The following MYCBP2 variants were observed in gnomAD, a reference collection of about 807,000 sequenced individuals.
The protein encoded by MYCBP2 is E3 ubiquitin-protein ligase MYCBP2.
In MYCBP2, 120 loss-of-function variants were observed where a neutral mutation model predicts 525.3. The ratio of observed to expected loss-of-function variants is 0.23; its 90% CI spans 0.20 to 0.27. The LOEUF is 0.27. Among genes scored for constraint, MYCBP2 ranks in the 10% least tolerant of loss-of-function variants. The pLI is 1.00. For synonymous variants in MYCBP2, 1,894 were observed against 1,955.8 expected, an observed-to-expected ratio of 0.97 and a Z score of 0.83; for missense variants, 4,149 against 5,657.1, an observed-to-expected ratio of 0.73 and a Z score of 8.55.
chr13:77,233,325 C>T (rs1223310258), intron 17 of MYCBP2, 62 bp from the exon 18 acceptor site: 2 of 1,224,680 alleles, frequency 1.6e-6, no homozygotes, highest in Non-Finnish European at 2.4e-6. Flanking sequence ...CTATAATGAA[C>T]AAAAAATAAT....
At chr13:77,191,963 T>C in intron 27 of MYCBP2, 150 bp from the exon 28 acceptor site, 3 of 709,800 alleles carry the variant, frequency 4.2e-6, no homozygotes, top group East Asian at 5.5e-5. Context: ...CTAAGAAGTC[T>C]GGACAAGAAT....
At chr13:77,159,564 C>A (rs2057624507) in intron 44 of MYCBP2, among the ~76,000 whole-genome samples, 1 of 152,274 alleles carries the variant, frequency 6.6e-6, no homozygotes, top group Non-Finnish European at 1.5e-5. Context: ...GGGGGAGTGA[C>A]CTGGCGGGAG....
intron 55 of MYCBP2, among the ~76,000 whole-genome samples, chr13:77,119,272 T>C (rs1344957362): frequency 6.6e-6 from 1 of 152,146 alleles, no homozygotes; most frequent in African/African-American, 2.4e-5. Flanking sequence ...ATACATTAAA[T>C]AGTTTAAATG....
chr13:77,323,493 C>T (rs780950327), intron 1 of MYCBP2, among the ~76,000 whole-genome samples: 6 of 152,220 alleles, frequency 3.9e-5, no homozygotes, highest in African/African-American at 9.6e-5. Context: ...AATTTAAATG[C>T]CAACTCTCAA....
chr13:77,166,811 C>A (rs942531573), intron 40 of MYCBP2, among the ~76,000 whole-genome samples: 1 of 151,864 alleles, frequency 6.6e-6, no homozygotes, highest in African/African-American at 2.4e-5. Flanking sequence ...AAAACAAAAT[C>A]CAAATTTAAA....
At chr13:77,057,175 G>T (rs2038264937) in intron 78 of MYCBP2, 82 bp from the exon 79 acceptor site, 1 of 971,964 alleles carries the variant, frequency 1.0e-6, no homozygotes, top group East Asian at 2.4e-5. Context: ...TTAATGCAAG[G>T]CACTACTTAA....
chr13:77,310,215 A>G (rs905455046), intron 1 of MYCBP2, among the ~76,000 whole-genome samples: 1 of 152,166 alleles, frequency 6.6e-6, no homozygotes, highest in Admixed American at 6.5e-5. Flanking sequence ...TAGTCCTAAC[A>G]TATCTTTCTA....
At position 77,132,412 on chromosome 13, in the gene MYCBP2, T is replaced by C. The variant is rs570275555; in HGVS notation, c.7660-5870A>G. Among the ~76,000 whole-genome samples, 3 of 152,222 alleles carry C rather than the reference T, an allele frequency of 2.0e-5. No homozygotes were observed. The South Asian group carries it at 6.2e-4, about 32-fold the overall frequency. On this transcript the variant is annotated intron_variant, in intron 52 of 82. Coordinates refer to ENST00000544440, the MANE Select transcript of MYCBP2 (RefSeq NM_015057.5). ...CCCAGGTGAAGCTATACAAACAAGA[T>C]TAACAAATGATACTTTCTCTTCAAC...
chr13:77,080,088 C>T (rs931718516), intron 65 of MYCBP2, among the ~76,000 whole-genome samples: 7 of 152,150 alleles, frequency 4.6e-5, no homozygotes, highest in Non-Finnish European at 1.0e-4. Context: ...AAATGTTTTG[C>T]TTTGTTACAC....
At chr13:77,226,830 CATAGAA>C (rs1220790853) in intron 18 of MYCBP2, among the ~76,000 whole-genome samples, 5 of 152,072 alleles carry the variant, frequency 3.3e-5, no homozygotes, top group African/African-American at 1.2e-4. Context: ...TTCGGAATAA[CATAGAA>C]CAGGTAGGCC....
rs55745763 is a variant in MYCBP2 at position 77,294,114 on chromosome 13, A to ATATATACATATATATATATATATATATG, written c.378+2484_378+2485insCATATATATATATATATATATGTATATA. Among the ~76,000 whole-genome samples, 59 of 55,412 alleles carry ATATATACATATATATATATATATATATG rather than the reference A, an allele frequency of 1.1e-3. 2 individuals are homozygous for ATATATACATATATATATATATATATATG. The highest frequency in any genetic ancestry group is 2.0e-3 in the Non-Finnish European group (44 of 22,242). The allele number at this position is 55,412 out of a possible 152,430, so 36.4% of individuals were successfully genotyped here. On this transcript the variant is annotated intron_variant, in intron 2 of 82. Coordinates refer to ENST00000544440, the MANE Select transcript of MYCBP2 (RefSeq NM_015057.5). Reference sequence around the variant, plus strand: ...AAGTAGATATAATGGCTATATATATATATATATATATATATACATATATAT... The same window carrying ATATATACATATATATATATATATATATG: ...AAGTAGATATAATGGCTATATATATATATATACATATATATATATATATATATGTATATATATATATATACATATATAT...
chr13:77,289,085 T>C (rs1358965071), intron 2 of MYCBP2, among the ~76,000 whole-genome samples: 1 of 152,068 alleles, frequency 6.6e-6, no homozygotes, highest in East Asian at 1.9e-4. Context: ...TTTTAGAAAT[T>C]CAACTTCCAA....
chr13:77,091,793 C>T (rs986738042), intron 59 of MYCBP2, among the ~76,000 whole-genome samples: 1 of 151,964 alleles, frequency 6.6e-6, no homozygotes, highest in African/African-American at 2.4e-5. Context: ...ACAATCGTAG[C>T]TCACTGTAAC....
chr13:77,164,098 T>C (rs909910680), intron 43 of MYCBP2, among the ~76,000 whole-genome samples: 42 of 152,228 alleles, frequency 2.8e-4, no homozygotes, highest in African/African-American at 9.6e-4. Context: ...ATCTAGACAA[T>C]GAGTATTCAG....
intron 46 of MYCBP2, among the ~76,000 whole-genome samples, chr13:77,154,968 T>G (rs568369510): frequency 1.3e-5 from 2 of 152,074 alleles, no homozygotes; most frequent in Non-Finnish European, 2.9e-5. Context: ...TGTGTGTATG[T>G]ATATATAAAG....
At chr13:77,304,784 A>G (rs908896058) in intron 1 of MYCBP2, among the ~76,000 whole-genome samples, 7 of 152,092 alleles carry the variant, frequency 4.6e-5, no homozygotes, top group Admixed American at 6.5e-5. Context: ...AATAAAATGA[A>G]ATAAATATAA....
chr13:77,235,114 T>C (rs2067714842), intron 17 of MYCBP2, among the ~76,000 whole-genome samples: 1 of 152,114 alleles, frequency 6.6e-6, no homozygotes, highest in Non-Finnish European at 1.5e-5. Flanking sequence ...TGATTATCTT[T>C]TATTTAGCAG....
chr13:77,251,790 C>T (rs560536197), intron 14 of MYCBP2, among the ~76,000 whole-genome samples: 1 of 152,250 alleles, frequency 6.6e-6, no homozygotes, highest in East Asian at 1.9e-4. Context: ...CTCCAGTGAC[C>T]TTCCAAGGTC....
In MYCBP2 at chr13:77,098,669, C is replaced by T; in HGVS notation, c.8485G>A (p.Ala2829Thr). Residue 2829 changes from alanine (A) to threonine (T), a missense_variant, in exon 56 of 83, where the codon GCC becomes ACC. Ala to Thr is a moderately conservative substitution (Grantham distance 58). Around this residue, in one of 21 missense-constraint regions of MYCBP2, gnomAD observed 653 missense variants for 744.7 expected, o/e 0.88. Transcript: ENST00000544440. ...LSSPKPKTLP[A>T]NRSSPSGASS... ...GCACCCGATGGGCTAGACCTATTGG[C>T]TGGGAGAGTCTTTGGCTTAGGAGAT... The T allele has an allele frequency of 6.2e-7, 1 of 1,613,554 alleles. No homozygotes were observed. Among genetic ancestry groups the T allele is most frequent in the Non-Finnish European group, 8.5e-7 (1 of 1,179,774 alleles).
Sources: allele counts gnomAD v4.1 joint callset (sites outside exome capture counted in the v4.1 genomes callset), GRCh38; gene constraint gnomAD v4.1.1; regional missense constraint gnomAD v4.1.1; transcripts MANE v1.5; gene names NCBI Gene and HGNC (gene_info 2026-07-23, HGNC 2026-07-21).